The following PAPPA2 variants were observed in gnomAD, a reference collection of about 807,000 sequenced individuals.
The protein encoded by PAPPA2 is pappalysin-2.
A neutral mutation model predicts 176.4 loss-of-function variants in PAPPA2; 86 were observed. That is an observed-to-expected ratio of 0.49 (90% CI 0.41 to 0.58). The LOEUF (loss-of-function observed/expected upper bound fraction) is 0.58. PAPPA2 is among the 20% of genes least tolerant of loss of function. The pLI, the probability that PAPPA2 is intolerant of heterozygous loss-of-function variation, is 0.00. For synonymous variants in PAPPA2, 809 were observed against 852.2 expected, an observed-to-expected ratio of 0.95 and a Z score of 0.88; for missense variants, 2,073 against 2,256.9, an observed-to-expected ratio of 0.92 and a Z score of 1.65.
At chr1:176,652,544 T>C (rs769088774) in intron 3 of PAPPA2, among the ~76,000 whole-genome samples, 31 of 151,698 alleles carry the variant, frequency 2.0e-4, no homozygotes, top group Non-Finnish European at 4.1e-4. Flanking sequence ...GGAGCAAGTC[T>C]GCTACAGCAT....
intron 1 of PAPPA2, among the ~76,000 whole-genome samples, chr1:176,491,641 A>G (rs1383468827): frequency 6.6e-6 from 1 of 152,224 alleles, no homozygotes; most frequent in Non-Finnish European, 1.5e-5. Context: ...AGAAAAATAA[A>G]CATTGTTGCT....
Position 176,702,527 on chromosome 1 carries a change from T to G in PAPPA2, c.3237-80T>G, listed in dbSNP as rs1167173517. 3 of 1,566,630 alleles carry G rather than the reference T, an allele frequency of 1.9e-6. No homozygotes were observed. In the Admixed American group the frequency reaches 5.5e-5, roughly 29 times the overall value. On this transcript the variant is annotated intron_variant, in intron 8 of 22. Coordinates refer to ENST00000367662, the MANE Select transcript of PAPPA2 (RefSeq NM_020318.3). The stretch of plus-strand genomic sequence containing the variant: ...GTTTCCCATAATATTTCCCTTCAAC[T>G]TCTGTGAACCATCAACAAAGGACCC...
chr1:176,631,549 T>C (rs914994085), intron 3 of PAPPA2, among the ~76,000 whole-genome samples: 2 of 152,190 alleles, frequency 1.3e-5, no homozygotes, highest in African/African-American at 2.4e-5. Context: ...ATAAATTCTA[T>C]ATCAATAAAA....
intron 14 of PAPPA2, among the ~76,000 whole-genome samples, chr1:176,741,092 C>T (rs1418631598): frequency 6.6e-6 from 1 of 152,110 alleles, no homozygotes; most frequent in Non-Finnish European, 1.5e-5. Flanking sequence ...TTATCTATTG[C>T]TGTATAGCAA....
intron 1 of PAPPA2, among the ~76,000 whole-genome samples, chr1:176,471,508 C>T (rs973888280): frequency 5.3e-5 from 8 of 152,102 alleles, no homozygotes; most frequent in East Asian, 1.9e-4. Flanking sequence ...GGCAAGCACT[C>T]GGTTAACCAT....
At chr1:176,623,779 C>CTTTCTTTA in intron 3 of PAPPA2, among the ~76,000 whole-genome samples, 1 of 104,526 alleles carries the variant, frequency 9.6e-6, no homozygotes, top group Non-Finnish European at 2.0e-5. Context: ...TTCTTTCTTT[C>CTTTCTTTA]TTTCTTTCTT....
intron 1 of PAPPA2, among the ~76,000 whole-genome samples, chr1:176,548,036 G>C (rs998997931): frequency 6.6e-6 from 1 of 152,176 alleles, no homozygotes; most frequent in African/African-American, 2.4e-5. Context: ...CAGACATGTG[G>C]AGGAAAGTGC....
chr1:176,701,862 C>T (rs889476756), intron 8 of PAPPA2, among the ~76,000 whole-genome samples: 2 of 152,152 alleles, frequency 1.3e-5, no homozygotes, highest in Admixed American at 1.3e-4. Flanking sequence ...AGAAGCTCTC[C>T]TTCTTGAGCC....
At position 176,537,938 on chromosome 1, in the gene PAPPA2, G is replaced by A. The variant is rs1430206504; in HGVS notation, c.-916-17469G>A. Among the ~76,000 whole-genome samples the A allele has an allele frequency of 3.3e-5, 5 of 151,940 alleles. No homozygotes were observed. In the South Asian group the frequency reaches 1.0e-3, roughly 32 times the overall value. Reference sequence around the variant, plus strand: ...GTTTCATGGATTCCTTCTTCTACTGGAGTTATGTGTCCTGAATCCAACCAT... The same window carrying A: ...GTTTCATGGATTCCTTCTTCTACTGAAGTTATGTGTCCTGAATCCAACCAT... On this transcript the variant is annotated intron_variant, in intron 1 of 22. Transcript: ENST00000367662.
At chr1:176,547,454 C>T (rs1650700665) in intron 1 of PAPPA2, among the ~76,000 whole-genome samples, 1 of 152,148 alleles carries the variant, frequency 6.6e-6, no homozygotes, top group African/African-American at 2.4e-5. Context: ...TGTAGACTAT[C>T]CTTGTGTGAG....
At chr1:176,639,461 CT>C (rs1656940429) in intron 3 of PAPPA2, among the ~76,000 whole-genome samples, 3 of 151,924 alleles carry the variant, frequency 2.0e-5, no homozygotes, top group Non-Finnish European at 4.4e-5. Context: ...CTTTTTTATT[CT>C]TTAAAAAATG....
Position 176,512,620 on chromosome 1 carries a change from A to G in PAPPA2, c.-916-42787A>G, listed in dbSNP as rs145259691. Reference sequence around the variant, plus strand: ...CAAGGGGTGAAGAGAATGACTACAAAGGAACATGAGAAAGCTTTTTAGGGT... The same window carrying G: ...CAAGGGGTGAAGAGAATGACTACAAGGGAACATGAGAAAGCTTTTTAGGGT... On this transcript the variant is annotated intron_variant, in intron 1 of 22. Coordinates refer to ENST00000367662, the MANE Select transcript of PAPPA2 (RefSeq NM_020318.3). 4.6e-3 allele frequency among the ~76,000 whole-genome samples: 699 copies of G among 152,314 alleles called. 16 individuals carry two copies. The highest frequency in any genetic ancestry group is 0.015 in the African/African-American group (628 of 41,574).
intron 1 of PAPPA2, among the ~76,000 whole-genome samples, chr1:176,486,927 A>T (rs950077905): frequency 4.0e-5 from 6 of 149,878 alleles, no homozygotes; most frequent in African/African-American, 1.5e-4. Context: ...GAGAGGGGGA[A>T]GTGGGTGGAT....
intron 14 of PAPPA2, among the ~76,000 whole-genome samples, chr1:176,762,912 A>C (rs1663762975): frequency 6.6e-6 from 1 of 152,134 alleles, no homozygotes; most frequent in Non-Finnish European, 1.5e-5. Context: ...CATTTTCTTC[A>C]CACCGATCAC....
At chr1:176,694,166 A>C (rs947317904) in intron 6 of PAPPA2, among the ~76,000 whole-genome samples, 1 of 152,196 alleles carries the variant, frequency 6.6e-6, no homozygotes, top group African/African-American at 2.4e-5. Context: ...GAAGAGCCCC[A>C]GCTACGCACT....
In PAPPA2 at chr1:176,641,642, T is replaced by C. The variant is rs556488701; in HGVS notation, c.1992-29328T>C. ...GGTAGTGTGATGCCTCCAGCTTAGATTTTGGGTTTACTTAGTATAGGAGGT... is the reference window on the plus strand; with the variant it reads ...GGTAGTGTGATGCCTCCAGCTTAGACTTTGGGTTTACTTAGTATAGGAGGT... On this transcript the variant is annotated intron_variant, in intron 3 of 22. Transcript: ENST00000367662. 5.9e-5 allele frequency among the ~76,000 whole-genome samples: 9 copies of C among 152,144 alleles called. No individual in the cohort carries two copies. The South Asian group carries it at 1.7e-3, about 28-fold the overall frequency.
intron 3 of PAPPA2, among the ~76,000 whole-genome samples, chr1:176,624,386 C>T (rs537558511): frequency 3.9e-5 from 6 of 152,278 alleles, no homozygotes; most frequent in African/African-American, 1.4e-4. Context: ...ATGAGAGTGA[C>T]GGAACACTAA....
chr1:176,725,686 G>A (rs1661833645), intron 12 of PAPPA2, among the ~76,000 whole-genome samples: 2 of 151,096 alleles, frequency 1.3e-5, no homozygotes, highest in African/African-American at 2.4e-5. Context: ...TTCCACACCC[G>A]GTTACACACA....
chr1:176,810,216 A>G (rs1396854858), intron 21 of PAPPA2, among the ~76,000 whole-genome samples: 1 of 152,162 alleles, frequency 6.6e-6, no homozygotes, highest in Admixed American at 6.5e-5. Context: ...CCAAGATTAC[A>G]TACTTCAAGA....
Sources: allele counts gnomAD v4.1 joint callset (sites outside exome capture counted in the v4.1 genomes callset), GRCh38; gene constraint gnomAD v4.1.1; transcripts MANE v1.5; gene names NCBI Gene and HGNC (gene_info 2026-07-23, HGNC 2026-07-21).